Variants in ADGRA3 observed in about 807,000 individuals in gnomAD.
ADGRA3 encodes G-protein coupled receptor 125.
ADGRA3 carries 56 observed loss-of-function variants against 119.8 expected under a neutral mutation model. That is an observed-to-expected ratio of 0.47 (90% CI 0.38 to 0.58). The LOEUF (loss-of-function observed/expected upper bound fraction) is 0.58, where lower values mean the gene tolerates loss of function less well. Ranked by LOEUF, ADGRA3 falls within the 20% of genes least tolerant of loss-of-function variation. The pLI is 0.00. For synonymous variants in ADGRA3, 607 were observed against 623.8 expected (o/e 0.97, Z 0.40); for missense variants, 1,516 against 1,649.0 (o/e 0.92, Z 1.40).
chr4:22,429,413 C>G (rs2109050067), intron 10 of ADGRA3, among the ~76,000 whole-genome samples: 1 of 152,284 alleles, frequency 6.6e-6, no homozygotes, highest in Non-Finnish European at 1.5e-5. Context: ...CAAAGAACAG[C>G]AGAAATCCAA....
chr4:22,515,009 C>CT (rs1160331157), intron 1 of ADGRA3, among the ~76,000 whole-genome samples: 2 of 152,188 alleles, frequency 1.3e-5, no homozygotes, highest in African/African-American at 4.8e-5. Context: ...AAAAGGTGCT[C>CT]TTTAACTGTA....
chr4:22,451,947 T>C (rs1717059345), intron 4 of ADGRA3, among the ~76,000 whole-genome samples: 1 of 152,212 alleles, frequency 6.6e-6, no homozygotes. Flanking sequence ...ATCTGAAATA[T>C]GAGCTGTTAT....
chr4:22,470,775 T>G (rs918710159), intron 2 of ADGRA3, among the ~76,000 whole-genome samples: 6 of 152,134 alleles, frequency 3.9e-5, no homozygotes, highest in African/African-American at 1.4e-4. Flanking sequence ...GACCCCAGAA[T>G]GCACCAGCAG....
At chr4:22,435,193 AGCATGCTT>A in intron 10 of ADGRA3, 110 bp downstream of exon 10, 1 of 874,116 alleles carries the variant, frequency 1.1e-6, no homozygotes, top group Admixed American at 2.3e-5. Context: ...GAAATTTAAA[AGCATGCTT>A]TTAGCTCAAA....
intron 6 of ADGRA3, among the ~76,000 whole-genome samples, chr4:22,444,345 GCACGATCTCGGCT>G (rs1484892554): frequency 1.3e-5 from 2 of 151,960 alleles, no homozygotes; most frequent in African/African-American, 4.8e-5. Flanking sequence ...TAGTGCAATG[GCACGATCTCGGCT>G]CACTGAAACC....
At chr4:22,430,463 T>A (rs1456722023) in intron 10 of ADGRA3, among the ~76,000 whole-genome samples, 6 of 152,202 alleles carry the variant, frequency 3.9e-5, no homozygotes, top group Non-Finnish European at 8.8e-5. Flanking sequence ...GCAAAGAGAC[T>A]GGCAGCATTC....
At chr4:22,389,297 T>G in intron 17 of ADGRA3, 114 bp from the exon 18 acceptor site, 1 of 726,324 alleles carries the variant, frequency 1.4e-6, no homozygotes, top group South Asian at 1.7e-5. Context: ...ATTATCTTTA[T>G]TCCAATAATA....
chr4:22,452,755 G>A (rs970359549), intron 4 of ADGRA3, among the ~76,000 whole-genome samples: 2 of 152,172 alleles, frequency 1.3e-5, no homozygotes, highest in Non-Finnish European at 2.9e-5. Context: ...CTAGGCCAAA[G>A]CTAGAAATCA....
At chr4:22,425,570 G>A (rs1337548556) in intron 10 of ADGRA3, among the ~76,000 whole-genome samples, 2 of 152,130 alleles carry the variant, frequency 1.3e-5, no homozygotes, top group African/African-American at 4.8e-5. Flanking sequence ...ACATTCCAGA[G>A]GTAGGATCAG....
intron 16 of ADGRA3, among the ~76,000 whole-genome samples, chr4:22,395,544 C>T (rs1163092701): frequency 6.6e-6 from 1 of 152,130 alleles, no homozygotes; most frequent in Admixed American, 6.5e-5. Flanking sequence ...GAGAAGTCAC[C>T]CACTAGAGAT....
chr4:22,495,488 T>C (rs1718784292), intron 1 of ADGRA3, among the ~76,000 whole-genome samples: 1 of 151,970 alleles, frequency 6.6e-6, no homozygotes, highest in South Asian at 2.1e-4. Flanking sequence ...ATGAATAAGG[T>C]GGGGGACTAC....
Position 22,413,243 on chromosome 4 carries a change from T to A in ADGRA3, c.2171A>T (p.Tyr724Phe). 6.2e-7 allele frequency: 1 copy of A among 1,614,120 alleles called. No homozygotes were observed. The highest frequency in any genetic ancestry group is 8.5e-7 in the Non-Finnish European group (1 of 1,179,982). Residue 724 changes from tyrosine to phenylalanine, a missense_variant, in exon 14 of 19, where the codon TAT becomes TTT. Tyr to Phe is a conservative substitution (Grantham distance 22). Transcript: ENST00000334304. ...GWKSDGCHIL[Y>F]SDENITTIQC... ...AATCGTAGTGATATTTTCATCTGAA[T>A]AGAGTATATGGCACCCATCTGACTT... is the stretch of plus-strand genomic sequence containing the variant.
intron 1 of ADGRA3, among the ~76,000 whole-genome samples, chr4:22,479,466 TA>T (rs60684476): frequency 0.084 from 9,397 of 111,592 alleles, 305 homozygotes; most frequent in Middle Eastern, 0.18. Flanking sequence ...CTGTCTCAAA[TA>T]AAAAAAAAAA....
intron 17 of ADGRA3, among the ~76,000 whole-genome samples, chr4:22,391,343 T>A (rs182878728): frequency 5.3e-5 from 8 of 152,232 alleles, no homozygotes; most frequent in Non-Finnish European, 8.8e-5. Flanking sequence ...CTGCTTTTCC[T>A]ATCTTATTTC....
rs547718322 is a variant in ADGRA3 at position 22,414,042 on chromosome 4, A to G, written c.1810-228T>C. The G allele has an allele frequency of 1.3e-4, 52 of 385,678 alleles. No homozygotes were observed. In the South Asian group the frequency reaches 2.6e-3, roughly 20 times the overall value. The allele number at this position is 385,678 out of a possible 1,614,324, so 23.9% of individuals were successfully genotyped here. A position where few individuals can be genotyped will look rare whatever the true frequency, so the allele number is the denominator to read the frequency against. ...AGAAATGCAAACTTTAAAGAGTTAA[A>G]TAAGTAAACAAGAAAAGTGTTTCAA... On this transcript the variant is annotated intron_variant, in intron 12 of 18. Transcript: ENST00000334304.
In ADGRA3 at chr4:22,401,342, T is replaced by A. The variant is rs1714630792; in HGVS notation, c.2481+89A>T. 2.6e-6 allele frequency: 3 copies of A among 1,174,820 alleles called. No homozygotes were observed. The Admixed American group carries it at 7.1e-5, about 28-fold the overall frequency. The allele number at this position is 1,174,820 out of a possible 1,614,324, so 72.8% of individuals were successfully genotyped here. A position where few individuals can be genotyped will look rare whatever the true frequency, so the allele number is the denominator to read the frequency against. On this transcript the variant is annotated intron_variant, in intron 16 of 18. Coordinates refer to ENST00000334304, the MANE Select transcript of ADGRA3 (RefSeq NM_145290.4). ...ACTTTAATCAGTTAAAGAAAAGGTA[T>A]TAAAGAATGATTTTTTCTTTTTATA...
chr4:22,454,879 T>G lies in ADGRA3; in HGVS notation c.460A>C (p.Asn154His). ...LNADIFRGLT[N>H]LVRLNLSGNL... is the part of the protein sequence containing the mutation. The stretch of plus-strand genomic sequence containing the variant: ...AGATATACTTACAGCCGAACCAGAT[T>G]GGTGAGTCCTCGAAATATGTCTGCA... Residue 154 changes from asparagine to histidine, a missense_variant, in exon 4 of 19, where the codon AAT (asparagine) becomes CAT (histidine). Physicochemically the swap from Asn to His is moderately conservative, Grantham distance 68. This residue lies in a region of ADGRA3 where 428 missense variants were observed against 541.9 expected (regional missense o/e 0.79). Transcript: ENST00000334304. 1 of 1,613,040 alleles carries G rather than the reference T, an allele frequency of 6.2e-7. No individual in the cohort carries two copies. Among genetic ancestry groups the G allele is most frequent in the Non-Finnish European group, 8.5e-7 (1 of 1,179,040 alleles).
intron 17 of ADGRA3, among the ~76,000 whole-genome samples, chr4:22,390,318 G>A (rs923596069): frequency 1.4e-3 from 31 of 22,812 alleles, no homozygotes; most frequent in Admixed American, 2.6e-3. Flanking sequence ...CTTCTCTACT[G>A]CTTATATATA....
intron 1 of ADGRA3, among the ~76,000 whole-genome samples, chr4:22,502,692 T>C (rs2109172775): frequency 6.6e-6 from 1 of 151,642 alleles, no homozygotes; most frequent in East Asian, 1.9e-4. Context: ...CAATGGCTCC[T>C]CAAGAGGTAG....
Sources: gnomAD v4.1 joint callset for allele counts (sites outside exome capture counted in the v4.1 genomes callset) on GRCh38, gnomAD v4.1.1 for gene constraint, gnomAD v4.1.1 regional missense constraint, MANE v1.5 for transcripts, NCBI Gene and HGNC (gene_info 2026-07-23, HGNC 2026-07-21) for gene names.